RHCE: variants seen among roughly 807,000 people sequenced by gnomAD.
The protein encoded by RHCE is blood group Rh(CE) polypeptide.
A neutral mutation model predicts 43.8 loss-of-function variants in RHCE; 22 were observed. The ratio of observed to expected loss-of-function variants is 0.50; its 90% CI spans 0.36 to 0.72. The LOEUF (loss-of-function observed/expected upper bound fraction) is 0.72, where lower values mean the gene tolerates loss of function less well. Among genes scored for constraint, RHCE ranks in the 30% least tolerant of loss-of-function variants. The pLI is 0.00. For missense variants in RHCE, 385 were observed against 525.4 expected (o/e 0.73, Z 2.61); for synonymous variants, 156 against 210.7 (o/e 0.74, Z 2.25).
At position 25,362,403 on chromosome 1, in the gene RHCE, C is replaced by T; in HGVS notation, c.*124G>A. ...TTTTTAATATCAAATCTGTCTCTGA[C>T]CTTGTTTCATTATACATAAGGAGAC... On this transcript the variant is annotated 3_prime_UTR_variant, in exon 10 of 10. Transcript: ENST00000294413. The T allele has an allele frequency of 6.2e-7, 1 of 1,610,422 alleles. No individual in the cohort carries two copies. Among genetic ancestry groups the T allele is most frequent in the Non-Finnish European group, 8.5e-7 (1 of 1,177,672 alleles).
intron 8 of RHCE, among the ~76,000 whole-genome samples, chr1:25,373,282 T>C (rs1487867652): frequency 6.6e-6 from 1 of 151,674 alleles, no homozygotes; most frequent in African/African-American, 2.4e-5. Context: ...ACTTCGAATA[T>C]ACCAGTGATA....
upstream of RHCE, among the ~76,000 whole-genome samples, chr1:25,425,117 G>A (rs1175639346): frequency 4.6e-5 from 7 of 152,098 alleles, no homozygotes; most frequent in African/African-American, 1.2e-4. Context: ...GCGTCTGGCC[G>A]TGTATTTGTT....
intron 7 of RHCE, among the ~76,000 whole-genome samples, chr1:25,385,293 T>A (rs1043375109): frequency 8.5e-5 from 13 of 152,156 alleles, no homozygotes; most frequent in African/African-American, 3.1e-4. Context: ...GGAGATAGTA[T>A]CCTTATCTCC....
At chr1:25,411,248 T>A (rs909849901) in intron 1 of RHCE, 1 of 1,450,212 alleles carries the variant, frequency 6.9e-7, no homozygotes, top group South Asian at 1.4e-5. Flanking sequence ...AAGGAAATAA[T>A]GTTTAGTACA....
intron 1 of RHCE, among the ~76,000 whole-genome samples, chr1:25,416,641 G>A (rs1450175722): frequency 6.6e-6 from 1 of 151,738 alleles, no homozygotes; most frequent in Admixed American, 6.6e-5. Flanking sequence ...TTTTGAGACA[G>A]GGTCTTGCTC....
Position 25,390,872 on chromosome 1 carries a change from A to G in RHCE, c.678T>C (p.Ala226=). The change falls in exon 5 of 10, where the codon GCT becomes GCC. Residue 226 remains alanine (A), a synonymous_variant. Transcript: ENST00000294413. The part of the protein sequence containing the change: ...LWMFWPSVNS[A]LLRSPIQRKN... Reference sequence around the variant, plus strand: ...TCCTTTGGATTGGACTTCTCAGCAGAGCAGAGTTGACACTTGGCCAGAACA... The same window carrying G: ...TCCTTTGGATTGGACTTCTCAGCAGGGCAGAGTTGACACTTGGCCAGAACA... 1 of 1,614,210 alleles carries G rather than the reference A, an allele frequency of 6.2e-7. No individual in the cohort carries two copies. Among genetic ancestry groups the G allele is most frequent in the Non-Finnish European group, 8.5e-7 (1 of 1,180,042 alleles).
chr1:25,408,798 A>G lies in RHCE; in HGVS notation c.220T>C (p.Trp74Arg). Residue 74 changes from tryptophan to arginine, a missense_variant, in exon 2 of 10, where the codon TGG becomes CGG. Physicochemically the swap from Trp to Arg is moderately radical, Grantham distance 101 (BLOSUM62 -3). Transcript: ENST00000294413. ...FLTSNFRRHSWSSVAFNLFML... is the reference protein window; with the variant it reads ...FLTSNFRRHSRSSVAFNLFML... ...AAGAGGTTGAAGGCCACACTGCTCC[A>G]GCTGTGTCTCCGGAAATTTGAGGTG... 2.3e-6 allele frequency: 3 copies of G among 1,283,134 alleles called. 1 individual carries two copies. Among genetic ancestry groups the G allele is most frequent in the Non-Finnish European group, 2.1e-6 (2 of 962,894 alleles). The allele number at this position is 1,283,134 out of a possible 1,614,324, so 79.5% of individuals were successfully genotyped here.
chr1:25,416,149 C>G (rs1017700042), intron 1 of RHCE, among the ~76,000 whole-genome samples: 2 of 152,104 alleles, frequency 1.3e-5, no homozygotes, highest in African/African-American at 4.8e-5. Context: ...CTTGAGTCTC[C>G]TAGCTTTGGA....
At chr1:25,420,574 A>G (rs2042740271) in intron 1 of RHCE, 65 bp downstream of exon 1, 1 of 1,613,708 alleles carries the variant, frequency 6.2e-7, no homozygotes, top group Non-Finnish European at 8.5e-7. Flanking sequence ...CTGGAGAACC[A>G]TAGGCCTCCC....
intron 1 of RHCE, among the ~76,000 whole-genome samples, chr1:25,410,336 G>T (rs1647033224): frequency 6.6e-6 from 1 of 152,104 alleles, no homozygotes; most frequent in African/African-American, 2.4e-5. Flanking sequence ...AAATCTTGAA[G>T]AATTTTTTTT....
rs1275626335 is a variant in RHCE, at chr1:25,408,394, G to A, written c.335+289C>T. ...TTTTCCATAAACTTATACTGATTAT[G>A]TAACTTTACAAAATCATAATCGACA... On this transcript the variant is annotated intron_variant, in intron 2 of 9. Transcript: ENST00000294413. 1.6e-5 allele frequency among the ~76,000 whole-genome samples: 2 copies of A among 122,734 alleles called. 1 individual carries two copies. The highest frequency in any genetic ancestry group is 3.7e-5 in the Non-Finnish European group (2 of 53,978). The allele number at this position is 122,734 out of a possible 152,430, so 80.5% of individuals were successfully genotyped here.
chr1:25,402,343 C>T (rs975646809), intron 3 of RHCE, among the ~76,000 whole-genome samples: 2 of 152,046 alleles, frequency 1.3e-5, no homozygotes, highest in African/African-American at 2.4e-5. Flanking sequence ...ACCTCAGCCT[C>T]CTGAGTAACT....
upstream of RHCE, among the ~76,000 whole-genome samples, chr1:25,421,490 C>A (rs1186760719): frequency 6.6e-6 from 1 of 152,166 alleles, no homozygotes; most frequent in Non-Finnish European, 1.5e-5. Context: ...CCTGATCCAG[C>A]CTTAGGGTGA....
chr1:25,382,426 A>AT (rs1646028564), intron 7 of RHCE, among the ~76,000 whole-genome samples: 1 of 147,466 alleles, frequency 6.8e-6, no homozygotes, highest in South Asian at 2.1e-4. Flanking sequence ...ACTTTTCTGG[A>AT]TATAGCTTAT....
intron 7 of RHCE, among the ~76,000 whole-genome samples, chr1:25,376,648 C>T (rs889454548): frequency 6.6e-6 from 1 of 152,194 alleles, no homozygotes; most frequent in Non-Finnish European, 1.5e-5. Flanking sequence ...GGTGTGGTGG[C>T]TCACACCTGT....
At chr1:25,384,480 A>C (rs981004068) in intron 7 of RHCE, among the ~76,000 whole-genome samples, 4 of 151,342 alleles carry the variant, frequency 2.6e-5, no homozygotes, top group Non-Finnish European at 5.9e-5. Flanking sequence ...ACAGAGGGGA[A>C]CTCTCAGGCC....
intron 5 of RHCE, among the ~76,000 whole-genome samples, chr1:25,389,485 G>A (rs1018419063): frequency 6.6e-6 from 1 of 152,136 alleles, no homozygotes; most frequent in African/African-American, 2.4e-5. Flanking sequence ...TGTTGCCTGG[G>A]CTGGTCTTGA....
intron 7 of RHCE, 129 bp downstream of exon 7, chr1:25,385,582 C>G (rs1218180301): frequency 7.3e-7 from 1 of 1,374,408 alleles, no homozygotes; most frequent in Non-Finnish European, 1.0e-6. Flanking sequence ...AATCAGCCAA[C>G]AAATATTCAC....
At chr1:25,388,764 A>G (rs1041065178) in intron 6 of RHCE, among the ~76,000 whole-genome samples, 2 of 152,186 alleles carry the variant, frequency 1.3e-5, no homozygotes, top group Non-Finnish European at 2.9e-5. Flanking sequence ...CCAGTGCCCA[A>G]GCAAGCTCAA....
Sources: allele counts gnomAD v4.1 joint callset (sites outside exome capture counted in the v4.1 genomes callset), GRCh38; gene constraint gnomAD v4.1.1; transcripts MANE v1.5; gene names NCBI Gene and HGNC (gene_info 2026-07-23, HGNC 2026-07-21).